The following GABRR1 variants were observed in gnomAD, a reference collection of about 807,000 sequenced individuals.
GABRR1 encodes gamma-aminobutyric acid receptor subunit rho-1.
A neutral mutation model predicts 55.5 loss-of-function variants in GABRR1; 59 were observed. The ratio of observed to expected loss-of-function variants is 1.06; its 90% CI spans 0.86 to 1.32. The LOEUF is 1.32. Ranked by LOEUF, GABRR1 falls within the 40% of genes most tolerant of loss-of-function variation. The pLI is 0.00. For missense variants in GABRR1, 602 were observed against 619.1 expected (o/e 0.97, Z 0.29); for synonymous variants, 213 against 226.0 (o/e 0.94, Z 0.51).
intron 1 of GABRR1, among the ~76,000 whole-genome samples, chr6:89,230,688 A>G (rs1333560792): frequency 6.6e-6 from 1 of 151,384 alleles, no homozygotes; most frequent in African/African-American, 2.4e-5. Context: ...GGGACATTTA[A>G]GTCTGCAGAG....
intron 6 of GABRR1, among the ~76,000 whole-genome samples, chr6:89,188,803 C>A (rs1771993952): frequency 6.6e-6 from 1 of 152,026 alleles, no homozygotes; most frequent in Non-Finnish European, 1.5e-5. Flanking sequence ...TTGTTGACTG[C>A]ACCTGTGGTG....
At chr6:89,202,705 T>G (rs1474173891) in intron 2 of GABRR1, among the ~76,000 whole-genome samples, 1 of 152,030 alleles carries the variant, frequency 6.6e-6, no homozygotes, top group Non-Finnish European at 1.5e-5. Flanking sequence ...TTTATTTATT[T>G]ATTTATTTTT....
At chr6:89,198,283 C>A (rs544903554) in intron 4 of GABRR1, 40 bp from the exon 5 acceptor site, 5 of 1,400,046 alleles carry the variant, frequency 3.6e-6, no homozygotes, top group East Asian at 4.6e-5. Flanking sequence ...CAGACACACA[C>A]AAACCCACTG....
At chr6:89,208,392 G>A (rs1421849399) in intron 1 of GABRR1, among the ~76,000 whole-genome samples, 1 of 152,160 alleles carries the variant, frequency 6.6e-6, no homozygotes, top group Non-Finnish European at 1.5e-5. Context: ...TTCAAATTAT[G>A]TTCTCTAAAA....
rs541146933 is a variant in GABRR1, at chr6:89,195,490, G to A, written c.572+2530C>T. On this transcript the variant is annotated intron_variant, in intron 5 of 9. Transcript: ENST00000454853. ...AAAAAAAAAAAGCTCCAATTTGTCT[G>A]GCAACAGACTTCCCAATGGAAACCA... is the stretch of plus-strand genomic sequence containing the variant. 2.6e-5 allele frequency among the ~76,000 whole-genome samples: 4 copies of A among 151,780 alleles called. No individual in the cohort carries two copies. The East Asian group carries it at 7.7e-4, about 29-fold the overall frequency.
chr6:89,179,861 T>G (rs2127788275), intron 9 of GABRR1, among the ~76,000 whole-genome samples: 1 of 152,222 alleles, frequency 6.6e-6, no homozygotes, highest in Non-Finnish European at 1.5e-5. Flanking sequence ...AGGTGGAGCA[T>G]GCATGAGGTT....
intron 3 of GABRR1, among the ~76,000 whole-genome samples, chr6:89,199,822 G>A (rs759591758): frequency 5.3e-5 from 8 of 152,164 alleles, no homozygotes; most frequent in African/African-American, 9.7e-5. Context: ...TGAGAAAGGC[G>A]TTGTTTGGTA....
chr6:89,198,253 G>T lies in GABRR1; in HGVS notation c.349-10C>A. ...GGGTCATCGTAAAGTCCTGGGAGCA[G>T]AAGGGCAGAGAGGGAACCCCAGACA... is the stretch of plus-strand genomic sequence containing the variant. On this transcript the variant is annotated splice_polypyrimidine_tract_variant and intron_variant, in intron 4 of 9. Transcript: ENST00000454853. 6.3e-7 allele frequency: 1 copy of T among 1,597,492 alleles called. No homozygotes were observed. Among genetic ancestry groups the T allele is most frequent in the South Asian group, 1.1e-5 (1 of 90,758 alleles).
At chr6:89,208,506 G>T (rs1582401497) in intron 1 of GABRR1, among the ~76,000 whole-genome samples, 1 of 152,186 alleles carries the variant, frequency 6.6e-6, no homozygotes, top group East Asian at 1.9e-4. Context: ...AAAAAATGTG[G>T]TTAACATTTA....
At chr6:89,182,617 T>C (rs923006238) in intron 7 of GABRR1, among the ~76,000 whole-genome samples, 1 of 152,188 alleles carries the variant, frequency 6.6e-6, no homozygotes, top group Non-Finnish European at 1.5e-5. Context: ...TTACTCTCAT[T>C]ACCTGGTCTA....
chr6:89,201,277 G>A lies in GABRR1; in HGVS notation c.174-12C>T, dbSNP rs773378808. 1 of 1,572,162 alleles carries A rather than the reference G, an allele frequency of 6.4e-7. No homozygotes were observed. The highest frequency in any genetic ancestry group is 1.3e-5 in the African/African-American group (1 of 74,130). ...GTCTCAGAATTGGGCTGCCAAGGGGGAAGAAACCAGGCTGATCATATATTC... is the reference window on the plus strand; with the variant it reads ...GTCTCAGAATTGGGCTGCCAAGGGGAAAGAAACCAGGCTGATCATATATTC... On this transcript the variant is annotated splice_polypyrimidine_tract_variant and intron_variant, in intron 2 of 9. Coordinates refer to ENST00000454853, the MANE Select transcript of GABRR1 (RefSeq NM_002042.5).
At chr6:89,208,856 C>T (rs371085305) in intron 1 of GABRR1, among the ~76,000 whole-genome samples, 8 of 152,378 alleles carry the variant, frequency 5.3e-5, no homozygotes, top group Admixed American at 3.9e-4. Flanking sequence ...GAGGCCTGCA[C>T]ATCTGAGGGA....
At chr6:89,206,774 C>T (rs945944778) in intron 1 of GABRR1, among the ~76,000 whole-genome samples, 3 of 106,688 alleles carry the variant, frequency 2.8e-5, no homozygotes, top group Non-Finnish European at 5.8e-5. Flanking sequence ...TGACACCATG[C>T]CCAGCTAATT....
At chr6:89,190,110 G>A in intron 6 of GABRR1, 55 bp downstream of exon 6, 5 of 1,212,118 alleles carry the variant, frequency 4.1e-6, no homozygotes, top group Non-Finnish European at 4.8e-6. Context: ...GAGAGTTAGA[G>A]GTGTTGAGAA....
Position 89,201,158 on chromosome 6 carries a change from C to A in GABRR1, c.280+1G>T, listed in dbSNP as rs751399175. 3 of 1,610,438 alleles carry A rather than the reference C, an allele frequency of 1.9e-6. No homozygotes were observed. The highest frequency in any genetic ancestry group is 1.1e-5 in the South Asian group (1 of 90,974). On this transcript the variant is annotated splice_donor_variant, in intron 3 of 9. Coordinates refer to ENST00000454853, the MANE Select transcript of GABRR1 (RefSeq NM_002042.5). LOFTEE classifies it high-confidence loss of function. ...ACACCCTGAGAGCACACATCCCATACCTCCAAAGCCAGGCCTCATGCTGAA... is the reference window on the plus strand; with the variant it reads ...ACACCCTGAGAGCACACATCCCATAACTCCAAAGCCAGGCCTCATGCTGAA...
At chr6:89,221,508 C>T (rs892924339), upstream of GABRR1, 4 of 152,094 alleles carry the variant, frequency 2.6e-5, no homozygotes, top group Non-Finnish European at 5.9e-5. Flanking sequence ...CAACTACTTG[C>T]TAGTATTTAC....
chr6:89,198,033 G>C lies in GABRR1; in HGVS notation c.559C>G (p.Leu187Val). 1 of 1,613,694 alleles carries C rather than the reference G, an allele frequency of 6.2e-7. No homozygotes were observed. Among genetic ancestry groups the C allele is most frequent in the South Asian group, 1.1e-5 (1 of 91,070 alleles). The change falls in exon 5 of 10, where the codon CTC (leucine) becomes GTC (valine). Residue 187 changes from leucine (L) to valine (V), a missense_variant. Around this residue, in one of 3 missense-constraint regions of GABRR1, gnomAD observed 435 missense variants for 424.2 expected, o/e 1.03. Transcript: ENST00000454853. The part of the protein sequence containing the change: ...MLRVQPDGKV[L>V]YSLRVTVTAM... Reference sequence around the variant, plus strand: ...CTTTCTTCCTACCTGAGACTATAGAGCACTTTCCCATCAGGCTGGACCCGC... The same window carrying C: ...CTTTCTTCCTACCTGAGACTATAGACCACTTTCCCATCAGGCTGGACCCGC...
intron 1 of GABRR1, among the ~76,000 whole-genome samples, chr6:89,230,360 T>G (rs1773264328): frequency 7.3e-6 from 1 of 137,586 alleles, no homozygotes; most frequent in South Asian, 2.6e-4. Context: ...AGTTTCCAGT[T>G]TTTCTGTTCT....
chr6:89,216,508 T>A (rs965572558), intron 1 of GABRR1, among the ~76,000 whole-genome samples: 1 of 152,172 alleles, frequency 6.6e-6, no homozygotes, highest in Non-Finnish European at 1.5e-5. Flanking sequence ...GCATCCCAGA[T>A]AGACATTGCC....
Sources: allele counts gnomAD v4.1 joint callset (sites outside exome capture counted in the v4.1 genomes callset), GRCh38; gene constraint gnomAD v4.1.1; regional missense constraint gnomAD v4.1.1; transcripts MANE v1.5; gene names NCBI Gene and HGNC (gene_info 2026-07-23, HGNC 2026-07-21).